PRIMPOL: variants seen among roughly 807,000 people sequenced by gnomAD.
PRIMPOL encodes primase and DNA directed polymerase.
In PRIMPOL, 54 loss-of-function variants were observed where a neutral mutation model predicts 63.6. That is an observed-to-expected ratio of 0.85 (90% CI 0.68 to 1.07). The LOEUF (loss-of-function observed/expected upper bound fraction) is 1.07, where lower values mean the gene tolerates loss of function less well. Among genes scored for constraint, PRIMPOL ranks in the 50% least tolerant of loss-of-function variants. The probability of loss-of-function intolerance (pLI) is 0.00; values close to 1 mark genes in which losing one functional copy is unlikely to be tolerated. For synonymous variants in PRIMPOL, 197 were observed against 220.2 expected (o/e 0.89, Z 0.93); for missense variants, 610 against 648.3 (o/e 0.94, Z 0.64).
chr4:184,691,739 C>G, intron 13 of PRIMPOL, 27 bp downstream of exon 13: 1 of 1,578,746 alleles, frequency 6.3e-7, no homozygotes, highest in Non-Finnish European at 8.7e-7. Flanking sequence ...GTGTCTTTCT[C>G]CTTACCAGGG....
At chr4:184,661,947 C>T (rs776925011) in intron 5 of PRIMPOL, 44 bp downstream of exon 5, 5 of 1,460,268 alleles carry the variant, frequency 3.4e-6, no homozygotes, top group Non-Finnish European at 2.8e-6. Flanking sequence ...TCCATCTCTT[C>T]ATTGGCTTAT....
intron 3 of PRIMPOL, among the ~76,000 whole-genome samples, chr4:184,658,735 C>T (rs1026520031): frequency 6.6e-6 from 1 of 151,960 alleles, no homozygotes; most frequent in Admixed American, 6.6e-5. Context: ...GGTGAAACCT[C>T]GTCTCTACTA....
At chr4:184,694,311 G>A in intron 13 of PRIMPOL, 1 of 1,329,702 alleles carries the variant, frequency 7.5e-7, no homozygotes, top group South Asian at 2.2e-5. Flanking sequence ...CAAATTTGGA[G>A]TTTCAAGTGT....
chr4:184,683,522 T>A (rs60523653), intron 9 of PRIMPOL, among the ~76,000 whole-genome samples: 1 of 151,976 alleles, frequency 6.6e-6, no homozygotes, highest in African/African-American at 2.4e-5. Flanking sequence ...AAAATGAAAA[T>A]GTAAAGTTCT....
At chr4:184,673,165 T>C (rs1479942737) in intron 7 of PRIMPOL, among the ~76,000 whole-genome samples, 4 of 151,018 alleles carry the variant, frequency 2.6e-5, no homozygotes, top group Non-Finnish European at 4.4e-5. Context: ...AGTCCCGCTC[T>C]TTAGCCCAGG....
At position 184,666,027 on chromosome 4, in the gene PRIMPOL, G is replaced by T; in HGVS notation, c.519G>T (p.Gln173His). The change falls in exon 6 of 14, where the codon CAG becomes CAT. Residue 173 changes from glutamine to histidine, a missense_variant. Physicochemically the swap from Gln to His is conservative, Grantham distance 24 (BLOSUM62 0). This residue lies in a region of PRIMPOL where 444 missense variants were observed against 456.4 expected (regional missense o/e 0.97). Transcript: ENST00000314970. ...DEKFSRHLIFQLHDVAFKDNI... is the reference protein window; with the variant it reads ...DEKFSRHLIFHLHDVAFKDNI... ...AATTCAGCCGGCATTTAATATTTCA[G>T]CTCCATGATGTGGCATTTAAAGATA... 1 of 1,608,218 alleles carries T rather than the reference G, an allele frequency of 6.2e-7. No homozygotes were observed. Among genetic ancestry groups the T allele is most frequent in the Non-Finnish European group, 8.5e-7 (1 of 1,177,354 alleles).
At chr4:184,650,267 A>C (rs977871150) in intron 1 of PRIMPOL, among the ~76,000 whole-genome samples, 16 of 152,250 alleles carry the variant, frequency 1.1e-4, no homozygotes, top group African/African-American at 3.4e-4. Flanking sequence ...ATCATGAGGA[A>C]AAAGAGATGG....
rs1745401309 is a variant in PRIMPOL, at chr4:184,653,757, AAAAG to A, written c.-60+1663_-60+1666del. ...AAGGAGCTTTGATACACAATTATGT[AAAAG>A]AAAGACAACACTCTTTCACCACCGG... On this transcript the variant is annotated intron_variant, in intron 2 of 13. Transcript: ENST00000314970. Among the ~76,000 whole-genome samples, 9 of 152,332 alleles carry A rather than the reference AAAAG, an allele frequency of 5.9e-5. 2 individuals are homozygous for A. Among genetic ancestry groups the A allele is most frequent in the Admixed American group, 6.5e-5 (1 of 15,306 alleles).
intron 2 of PRIMPOL, among the ~76,000 whole-genome samples, chr4:184,652,567 G>T (rs1744865196): frequency 6.6e-6 from 1 of 152,154 alleles, no homozygotes; most frequent in Non-Finnish European, 1.5e-5. Context: ...ATTTCTTAAG[G>T]TGTTATTCAT....
intron 9 of PRIMPOL, 22 bp downstream of exon 9, chr4:184,682,358 T>C (rs1271598212): frequency 7.3e-7 from 1 of 1,368,386 alleles, no homozygotes; most frequent in Non-Finnish European, 1.0e-6. Flanking sequence ...GATGTTTGTT[T>C]TTCTTTTTGA....
At chr4:184,659,219 T>C (rs372825573) in intron 3 of PRIMPOL, 121 bp from the exon 4 acceptor site, 40 of 703,486 alleles carry the variant, frequency 5.7e-5, no homozygotes, top group Middle Eastern at 3.1e-4. Flanking sequence ...ATAATACAAA[T>C]GTTCAAATTA....
At position 184,657,200 on chromosome 4, in the gene PRIMPOL, G is replaced by GAGGAA. The variant is rs769696651; in HGVS notation, c.62_66dup (p.Pro23GlyfsTer51). On this transcript the variant is annotated frameshift_variant, in exon 3 of 14. Coordinates refer to ENST00000314970, the MANE Select transcript of PRIMPOL (RefSeq NM_152683.4). LOFTEE classifies it high-confidence loss of function. ...TTGAAGAACGAGCATCTCATTATGAGAGGAAACCGTTGTCCTCAGTGTATA... is the reference window on the plus strand; with the variant it reads ...TTGAAGAACGAGCATCTCATTATGAGAGGAAAGGAAACCGTTGTCCTCAGTGTATA... The GAGGAA allele has an allele frequency of 3.7e-6, 6 of 1,613,104 alleles. No homozygotes were observed. The highest frequency in any genetic ancestry group is 5.1e-6 in the Non-Finnish European group (6 of 1,179,652).
At position 184,678,241 on chromosome 4, in the gene PRIMPOL, C is replaced by T. The variant is rs201289812; in HGVS notation, c.854C>T (p.Thr285Ile). 2 of 1,572,566 alleles carry T rather than the reference C, an allele frequency of 1.3e-6. No individual in the cohort carries two copies. Among genetic ancestry groups the T allele is most frequent in the Non-Finnish European group, 1.7e-6 (2 of 1,163,966 alleles). Reference protein sequence around the residue: ...KHLFVDLGVYTRNRNFRLYKS... With the variant: ...KHLFVDLGVYIRNRNFRLYKS... The stretch of plus-strand genomic sequence containing the variant: ...TCAATTTTTGATGTAGGAGTTTATA[C>T]AAGAAATAGAAACTTTCGGCTATAT... Residue 285 changes from threonine (T) to isoleucine (I), a missense_variant, in exon 8 of 14, where the codon ACA (threonine) becomes ATA (isoleucine). Coordinates refer to ENST00000314970, the MANE Select transcript of PRIMPOL (RefSeq NM_152683.4).
chr4:184,653,820 C>A (rs1390945963), intron 2 of PRIMPOL, among the ~76,000 whole-genome samples: 1 of 152,200 alleles, frequency 6.6e-6, no homozygotes, highest in Non-Finnish European at 1.5e-5. Flanking sequence ...GTGACATATT[C>A]CCCCAGAGGG....
At chr4:184,692,871 T>A (rs1378796808) in intron 13 of PRIMPOL, among the ~76,000 whole-genome samples, 1 of 152,326 alleles carries the variant, frequency 6.6e-6, no homozygotes, top group East Asian at 1.9e-4. Flanking sequence ...TGTAATGAAC[T>A]TTTTTCGGAT....
At chr4:184,667,333 C>T (rs576337071) in intron 6 of PRIMPOL, among the ~76,000 whole-genome samples, 62 of 146,064 alleles carry the variant, frequency 4.2e-4, no homozygotes, top group Non-Finnish European at 6.9e-4. Context: ...TTTTTTGAGA[C>T]AGAGTCTCGC....
At chr4:184,659,223 C>T in intron 3 of PRIMPOL, 117 bp from the exon 4 acceptor site, 1 of 728,542 alleles carries the variant, frequency 1.4e-6, no homozygotes, top group South Asian at 1.7e-5. Context: ...TACAAATGTT[C>T]AAATTACAGT....
At chr4:184,671,136 G>A (rs1398119632) in intron 6 of PRIMPOL, among the ~76,000 whole-genome samples, 2 of 152,210 alleles carry the variant, frequency 1.3e-5, no homozygotes, top group Non-Finnish European at 2.9e-5. Context: ...GGTACAGATA[G>A]TACTGCTGTT....
intron 1 of PRIMPOL, among the ~76,000 whole-genome samples, chr4:184,651,801 A>G (rs1307171368): frequency 3.9e-5 from 6 of 152,174 alleles, no homozygotes; most frequent in African/African-American, 1.4e-4. Flanking sequence ...GGTGCCTACC[A>G]CTAGGCCCAG....
Sources: allele counts gnomAD v4.1 joint callset (sites outside exome capture counted in the v4.1 genomes callset), GRCh38; gene constraint gnomAD v4.1.1; regional missense constraint gnomAD v4.1.1; transcripts MANE v1.5; gene names NCBI Gene and HGNC (gene_info 2026-07-23, HGNC 2026-07-21).